The following AKAP19 variants were observed in gnomAD, a reference collection of about 807,000 sequenced individuals.
AKAP19 encodes the protein A-kinase anchoring protein 19.
chr2:190,199,709 C>A, the AKAP19 span: 1 of 1,461,876 alleles, frequency 6.8e-7, no homozygotes, highest in Non-Finnish European at 9.0e-7. Flanking sequence ...AAACACTACA[C>A]GTGAAGAGTG....
chr2:190,137,567 G>T, the AKAP19 span, among the ~76,000 whole-genome samples: 1 of 152,190 alleles, frequency 6.6e-6, no homozygotes, highest in Non-Finnish European at 1.5e-5. Flanking sequence ...AAATAGCCTA[G>T]CATGGTTTAC....
the AKAP19 span, among the ~76,000 whole-genome samples, chr2:190,068,104 A>G: frequency 3.3e-5 from 5 of 152,044 alleles, no homozygotes; most frequent in African/African-American, 1.2e-4. Context: ...TAAAAAAACA[A>G]ACTAGACTCA....
the AKAP19 span, chr2:190,202,057 T>C: frequency 1.2e-5 from 2 of 167,002 alleles, no homozygotes; most frequent in East Asian, 1.9e-4. Context: ...TCAGTATACA[T>C]AGGGACAGAC....
At chr2:189,996,441 T>A in the AKAP19 span, among the ~76,000 whole-genome samples, 4 of 152,212 alleles carry the variant, frequency 2.6e-5, no homozygotes, top group Non-Finnish European at 5.9e-5. Flanking sequence ...CCAGAAGTTG[T>A]GATTGTTTTT....
the AKAP19 span, chr2:189,917,277 G>A: frequency 7.2e-7 from 1 of 1,394,944 alleles, no homozygotes; most frequent in South Asian, 1.3e-5. Context: ...GAGCAAATCA[G>A]TTTTGGTTTC....
At chr2:190,086,474 A>T in the AKAP19 span, among the ~76,000 whole-genome samples, 2 of 152,228 alleles carry the variant, frequency 1.3e-5, no homozygotes, top group Non-Finnish European at 2.9e-5. Context: ...GACCTCAAGG[A>T]AGATGGGGAA....
the AKAP19 span, among the ~76,000 whole-genome samples, chr2:189,937,412 A>G: frequency 5.3e-5 from 8 of 152,136 alleles, no homozygotes; most frequent in African/African-American, 1.9e-4. Context: ...AATGGTGTAG[A>G]AGCAAGTTGG....
At chr2:189,965,196 C>G in the AKAP19 span, among the ~76,000 whole-genome samples, 1 of 152,104 alleles carries the variant, frequency 6.6e-6, no homozygotes, top group Non-Finnish European at 1.5e-5. Flanking sequence ...GTTGGTGGAA[C>G]AGTCAGAACA....
chr2:189,944,074 G>A, the AKAP19 span, among the ~76,000 whole-genome samples: 1 of 152,202 alleles, frequency 6.6e-6, no homozygotes, highest in Non-Finnish European at 1.5e-5. Context: ...TGCATACAAG[G>A]CGGGCTAGTA....
At chr2:190,148,535 AGGGTTCCTTCT>A in the AKAP19 span, among the ~76,000 whole-genome samples, 1 of 152,124 alleles carries the variant, frequency 6.6e-6, no homozygotes, top group Non-Finnish European at 1.5e-5. Context: ...TGAATTAGGG[AGGGTTCCTTCT>A]TTCTCTATCT....
the AKAP19 span, chr2:190,180,766 G>A: frequency 1.0e-6 from 1 of 985,258 alleles, no homozygotes; most frequent in Non-Finnish European, 1.2e-6. This position sits in a 1 kb window ranked among gnomAD's most constrained non-coding sequence, Gnocchi z 6.8. Flanking sequence ...GGCCAGGTGC[G>A]GGCCGCGAAC....
chr2:189,895,509 G>T, the AKAP19 span, among the ~76,000 whole-genome samples: 1 of 152,048 alleles, frequency 6.6e-6, no homozygotes, highest in East Asian at 1.9e-4. Flanking sequence ...TAACCCAGAA[G>T]GCAATCTATT....
the AKAP19 span, among the ~76,000 whole-genome samples, chr2:189,913,426 TTC>T: frequency 6.6e-6 from 1 of 152,122 alleles, no homozygotes. Context: ...ACTAGAATAG[TTC>T]TTTTGCCCAA....
At chr2:190,060,524 T>A in the AKAP19 span, 2 of 1,146,322 alleles carry the variant, frequency 1.7e-6, no homozygotes, top group South Asian at 1.5e-5. Flanking sequence ...TTTTTTAAAT[T>A]AAGATAATGT....
chr2:189,923,826 G>A, the AKAP19 span: 4 of 1,610,966 alleles, frequency 2.5e-6, no homozygotes, highest in African/African-American at 4.0e-5. Context: ...AATTCTAAGA[G>A]TGGACAGCGG....
the AKAP19 span, among the ~76,000 whole-genome samples, chr2:190,102,610 A>G: frequency 8.5e-5 from 13 of 152,178 alleles, no homozygotes; most frequent in African/African-American, 3.1e-4. Context: ...TCCTGGAAAC[A>G]TACAACCTGC....
chr2:189,919,791 T>C, the AKAP19 span, among the ~76,000 whole-genome samples: 1 of 152,256 alleles, frequency 6.6e-6, no homozygotes, highest in Non-Finnish European at 1.5e-5. Context: ...ATGTTGTCTC[T>C]GTAGAGTCAT....
chr2:190,052,615 A>G, the AKAP19 span, among the ~76,000 whole-genome samples: 1 of 152,208 alleles, frequency 6.6e-6, no homozygotes, highest in Non-Finnish European at 1.5e-5. Flanking sequence ...TGGAGGATCT[A>G]TGGCCCAAAC....
chr2:189,949,867 T>C, the AKAP19 span, among the ~76,000 whole-genome samples: 1 of 151,434 alleles, frequency 6.6e-6, no homozygotes, highest in African/African-American at 2.4e-5. Context: ...CTTGACCTCG[T>C]GATCTACCTG....
Sources: gnomAD v4.1 joint callset for allele counts (sites outside exome capture counted in the v4.1 genomes callset) on GRCh38, gnomAD v4.1.1 for gene constraint, Gnocchi (gnomAD v3.1) non-coding constraint, MANE v1.5 for transcripts, NCBI Gene and HGNC (gene_info 2026-07-23, HGNC 2026-07-21) for gene names.